The following PHF21A variants were observed in gnomAD, a reference collection of about 807,000 sequenced individuals.
PHF21A encodes PHD finger protein 21A, also known as BHC80a.
Under a neutral mutation model 82.5 loss-of-function variants are expected in PHF21A, and 11 were observed. The observed-to-expected ratio is 0.13, with a 90% CI of 0.08 to 0.22. The LOEUF (loss-of-function observed/expected upper bound fraction) is 0.22. Among genes scored for constraint, PHF21A ranks in the 10% least tolerant of loss-of-function variants. The pLI is 1.00. For missense variants in PHF21A, 579 were observed against 837.8 expected (o/e 0.69, Z 3.81); for synonymous variants, 297 against 302.8 (o/e 0.98, Z 0.20).
intron 6 of PHF21A, among the ~76,000 whole-genome samples, chr11:46,044,848 A>C (rs1451970871): frequency 6.6e-6 from 1 of 152,088 alleles, no homozygotes; most frequent in Non-Finnish European, 1.5e-5. Context: ...GGCCAATGAA[A>C]CCTTATTTCC....
intron 6 of PHF21A, among the ~76,000 whole-genome samples, chr11:46,068,309 AAAG>A (rs1360637723): frequency 6.6e-6 from 1 of 152,236 alleles, no homozygotes; most frequent in Non-Finnish European, 1.5e-5. Context: ...TCTGAATGAT[AAAG>A]AAGTCTGAAA....
intron 6 of PHF21A, among the ~76,000 whole-genome samples, chr11:46,054,817 G>T (rs754306121): frequency 6.6e-6 from 1 of 151,840 alleles, no homozygotes; most frequent in African/African-American, 2.4e-5. Context: ...TGAATTAAAT[G>T]TTGAAAGATT....
At chr11:46,050,720 G>T (rs917504862) in intron 6 of PHF21A, among the ~76,000 whole-genome samples, 5 of 152,158 alleles carry the variant, frequency 3.3e-5, no homozygotes, top group African/African-American at 9.7e-5. Context: ...AGAAGAGAAA[G>T]AATGGGAATT....
intron 6 of PHF21A, among the ~76,000 whole-genome samples, chr11:46,058,021 G>A (rs770811899): frequency 2.0e-5 from 3 of 152,198 alleles, no homozygotes; most frequent in Non-Finnish European, 2.9e-5. Flanking sequence ...CGTCAGTTAA[G>A]TTTCCAACCT....
intron 6 of PHF21A, among the ~76,000 whole-genome samples, chr11:45,982,475 C>T (rs1260823319): frequency 6.6e-6 from 1 of 151,946 alleles, no homozygotes; most frequent in Non-Finnish European, 1.5e-5. Flanking sequence ...ATATCAAATG[C>T]TTATAAAGTT....
chr11:46,104,952 T>C (rs978728758), intron 1 of PHF21A, among the ~76,000 whole-genome samples: 1 of 152,220 alleles, frequency 6.6e-6, no homozygotes, highest in African/African-American at 2.4e-5. Context: ...ATACTAATAC[T>C]TGTCTCAATC....
intron 6 of PHF21A, among the ~76,000 whole-genome samples, chr11:46,005,441 G>C (rs1056387834): frequency 2.0e-5 from 3 of 152,038 alleles, no homozygotes; most frequent in Non-Finnish European, 4.4e-5. Flanking sequence ...GCTTTTTCTG[G>C]TTGAAGGTTT....
chr11:45,937,972 T>C (rs6485649), intron 16 of PHF21A, among the ~76,000 whole-genome samples, 185 bp downstream of exon 16: 3 of 152,240 alleles, frequency 2.0e-5, no homozygotes, highest in East Asian at 1.9e-4. Context: ...CTCAGTAATA[T>C]GGCAGAGGGC....
intron 3 of PHF21A, among the ~76,000 whole-genome samples, chr11:46,087,281 G>A (rs1358086573): frequency 6.6e-6 from 1 of 152,172 alleles, no homozygotes; most frequent in Non-Finnish European, 1.5e-5. Context: ...GTTAAAACCA[G>A]GGTTTAACTT....
At chr11:46,090,252 A>G (rs1449817325) in intron 3 of PHF21A, among the ~76,000 whole-genome samples, 3 of 152,176 alleles carry the variant, frequency 2.0e-5, no homozygotes, top group Non-Finnish European at 4.4e-5. Context: ...TTTAATGACT[A>G]TTTAAAAAAA....
intron 1 of PHF21A, chr11:46,120,482 G>C (rs1260921690): frequency 1.3e-5 from 2 of 148,712 alleles, no homozygotes; most frequent in Non-Finnish European, 3.0e-5. Flanking sequence ...CACCGGCTCC[G>C]GCCCTGCACT....
intron 17 of PHF21A, among the ~76,000 whole-genome samples, chr11:45,936,095 T>A (rs1264897528): frequency 6.6e-6 from 1 of 152,054 alleles, no homozygotes; most frequent in East Asian, 1.9e-4. Context: ...CTGGGTGACA[T>A]GGCGAAACCT....
chr11:46,031,581 A>G (rs2095867344), intron 6 of PHF21A, among the ~76,000 whole-genome samples: 1 of 152,162 alleles, frequency 6.6e-6, no homozygotes, highest in African/African-American at 2.4e-5. Flanking sequence ...CTTTTTCTTA[A>G]AAGTTGATAA....
chr11:46,111,255 G>A (rs780038776), intron 1 of PHF21A, among the ~76,000 whole-genome samples: 69 of 151,414 alleles, frequency 4.6e-4, no homozygotes, highest in Non-Finnish European at 8.0e-4. Flanking sequence ...GATCACTTGA[G>A]GCCAAGAGTT....
chr11:46,076,710 A>G (rs376876604), intron 6 of PHF21A, 44 bp downstream of exon 6: 6 of 1,492,936 alleles, frequency 4.0e-6, no homozygotes, highest in Non-Finnish European at 5.6e-6. Flanking sequence ...ACATATCTTT[A>G]GAACACAACG....
At chr11:45,960,390 T>C (rs1359809829) in intron 10 of PHF21A, among the ~76,000 whole-genome samples, 1 of 152,230 alleles carries the variant, frequency 6.6e-6, no homozygotes, top group Non-Finnish European at 1.5e-5. Context: ...CACTGATATG[T>C]ATTACCATAT....
intron 1 of PHF21A, among the ~76,000 whole-genome samples, chr11:46,092,792 C>G (rs946265764): frequency 7.2e-6 from 1 of 138,650 alleles, no homozygotes; most frequent in Non-Finnish European, 1.5e-5. Flanking sequence ...ATGTCTTACT[C>G]TGTTGTCCAG....
chr11:46,117,123 C>G (rs1446192173), intron 1 of PHF21A: 1 of 152,212 alleles, frequency 6.6e-6, no homozygotes, highest in East Asian at 1.9e-4. Flanking sequence ...TGCATGCTTT[C>G]TTACCATTTA....
chr11:46,000,117 T>C (rs1267695502), intron 6 of PHF21A, among the ~76,000 whole-genome samples: 1 of 152,084 alleles, frequency 6.6e-6, no homozygotes, highest in Non-Finnish European at 1.5e-5. Flanking sequence ...GTAAGCAAAA[T>C]AAGACAACAC....
Sources: allele counts gnomAD v4.1 joint callset (sites outside exome capture counted in the v4.1 genomes callset), GRCh38; gene constraint gnomAD v4.1.1; transcripts MANE v1.5; gene names NCBI Gene and HGNC (gene_info 2026-07-23, HGNC 2026-07-21).